The following PFKFB3 variants were observed in gnomAD, a reference collection of about 807,000 sequenced individuals.
PFKFB3 encodes 6-phosphofructo-2-kinase/fructose-2,6-biphosphatase 3, also known as 6-phosphofructo-2-kinase/fructose-2,6-bisphosphatase 3.
In PFKFB3, 33 loss-of-function variants were observed where a neutral mutation model predicts 68.0. The observed-to-expected ratio is 0.49, with a 90% confidence interval of 0.37 to 0.65. The LOEUF (loss-of-function observed/expected upper bound fraction) is 0.65, where lower values mean the gene tolerates loss of function less well. PFKFB3 is among the 30% of genes least tolerant of loss of function. The pLI is 0.00. For missense variants in PFKFB3, 586 were observed against 712.2 expected (o/e 0.82, Z 2.02); for synonymous variants, 315 against 288.2 (o/e 1.09, Z -0.94).
chr10:6,246,724 T>C (rs1846270077), intron 14 of PFKFB3, among the ~76,000 whole-genome samples: 1 of 152,154 alleles, frequency 6.6e-6, no homozygotes, highest in Non-Finnish European at 1.5e-5. Context: ...CGTGGGTATA[T>C]TGCATGATGC....
chr10:6,265,732 C>G, the PFKFB3 span, among the ~76,000 whole-genome samples: 1 of 152,170 alleles, frequency 6.6e-6, no homozygotes, highest in Non-Finnish European at 1.5e-5. Flanking sequence ...TACTCCTCAT[C>G]CAAATTTCTT....
chr10:6,239,894 G>A (rs1163457287), downstream of PFKFB3, among the ~76,000 whole-genome samples: 10 of 152,168 alleles, frequency 6.6e-5, no homozygotes, highest in Admixed American at 5.2e-4. Context: ...GGCTGATCTC[G>A]AACTCCTGGA....
the PFKFB3 span, among the ~76,000 whole-genome samples, chr10:6,301,409 A>G: frequency 2.0e-5 from 3 of 152,190 alleles, no homozygotes; most frequent in Admixed American, 6.5e-5. Context: ...ATATTCTTAG[A>G]TCATTTGAGA....
At chr10:6,236,454 C>T (rs914689937), downstream of PFKFB3, among the ~76,000 whole-genome samples, 1 of 152,188 alleles carries the variant, frequency 6.6e-6, no homozygotes, top group African/African-American at 2.4e-5. Flanking sequence ...CCCACTGCTG[C>T]GCTCCAGAAA....
At chr10:6,279,958 C>G in the PFKFB3 span, among the ~76,000 whole-genome samples, 1 of 151,954 alleles carries the variant, frequency 6.6e-6, no homozygotes, top group Non-Finnish European at 1.5e-5. Context: ...CAGAGCTTTG[C>G]AGGTGGGCAG....
At chr10:6,212,333 C>G (rs1372739581) in intron 1 of PFKFB3, among the ~76,000 whole-genome samples, 1 of 152,230 alleles carries the variant, frequency 6.6e-6, no homozygotes, top group East Asian at 1.9e-4. Context: ...TGGCTGCTTT[C>G]TGAAAAACCC....
the PFKFB3 span, among the ~76,000 whole-genome samples, chr10:6,284,720 G>C: frequency 6.6e-6 from 1 of 152,244 alleles, no homozygotes; most frequent in South Asian, 2.1e-4. Flanking sequence ...TGAACTCACT[G>C]AACTGTAACT....
chr10:6,307,766 G>A, the PFKFB3 span, among the ~76,000 whole-genome samples: 6 of 152,092 alleles, frequency 3.9e-5, no homozygotes, highest in East Asian at 1.9e-4. Context: ...GAGGAGTGCC[G>A]GGGTTTGAAT....
At chr10:6,148,688 C>T (rs1391413538) in intron 1 of PFKFB3, among the ~76,000 whole-genome samples, 4 of 152,150 alleles carry the variant, frequency 2.6e-5, no homozygotes, top group East Asian at 3.9e-4. Context: ...CAGCTGGACA[C>T]GGAGAGGAAA....
At chr10:6,184,900 G>A (rs1222152042) in intron 1 of PFKFB3, among the ~76,000 whole-genome samples, 3 of 151,510 alleles carry the variant, frequency 2.0e-5, no homozygotes, top group Admixed American at 6.6e-5. Flanking sequence ...GAGCCAGCCT[G>A]CCGGCCTTCC....
At chr10:6,283,745 A>G in the PFKFB3 span, among the ~76,000 whole-genome samples, 1,163 of 152,328 alleles carry the variant, frequency 7.6e-3, 18 homozygotes, top group African/African-American at 0.027. Context: ...GAGCATGCCC[A>G]GGTGAACCAA....
chr10:6,170,103 C>T (rs544933839), intron 1 of PFKFB3, among the ~76,000 whole-genome samples: 2 of 152,204 alleles, frequency 1.3e-5, no homozygotes, highest in East Asian at 1.9e-4. Flanking sequence ...GGGCCCACCC[C>T]GTGGTTCTTT....
the PFKFB3 span, among the ~76,000 whole-genome samples, chr10:6,299,657 CCTTGA>C: frequency 6.6e-6 from 1 of 152,192 alleles, no homozygotes; most frequent in Non-Finnish European, 1.5e-5. Flanking sequence ...AATTGCTTGA[CCTTGA>C]CTTTTCAGGA....
chr10:6,224,368 C>T, intron 13 of PFKFB3, 155 bp downstream of exon 13: 1 of 670,216 alleles, frequency 1.5e-6, no homozygotes, highest in Non-Finnish European at 2.7e-6. Context: ...CCTCTTTGTT[C>T]CTGCCTGTCT....
At chr10:6,318,740 T>C in the PFKFB3 span, among the ~76,000 whole-genome samples, 1 of 152,274 alleles carries the variant, frequency 6.6e-6, no homozygotes, top group Middle Eastern at 3.4e-3. Context: ...ACACTTTGTG[T>C]AAAGGGGAAA....
chr10:6,312,949 C>T, the PFKFB3 span, among the ~76,000 whole-genome samples: 3 of 152,092 alleles, frequency 2.0e-5, no homozygotes, highest in Admixed American at 6.6e-5. Context: ...TGAGTTATTT[C>T]GCTTTGCCAT....
chr10:6,169,389 AT>A (rs1004350929), intron 1 of PFKFB3, among the ~76,000 whole-genome samples: 4 of 152,194 alleles, frequency 2.6e-5, no homozygotes, highest in African/African-American at 7.2e-5. Flanking sequence ...GGGGGTCTTA[AT>A]TTTAGTGAGC....
chr10:6,175,593 T>C (rs1842440468), intron 1 of PFKFB3, among the ~76,000 whole-genome samples: 1 of 152,162 alleles, frequency 6.6e-6, no homozygotes, highest in South Asian at 2.1e-4. Flanking sequence ...CCGGGAACAG[T>C]GTTGTTCTTA....
chr10:6,210,356 G>GTTTTTTTTTTTTTTTTTTTTTTTTTGT (rs762723368), intron 1 of PFKFB3, among the ~76,000 whole-genome samples: 1 of 44,486 alleles, frequency 2.2e-5, no homozygotes, highest in African/African-American at 4.6e-5. Context: ...GTTTTTTTTT[G>GTTTTTTTTTTTTTTTTTTTTTTTTTGT]TTTTTTTGTT....
Sources: gnomAD v4.1 joint callset for allele counts (sites outside exome capture counted in the v4.1 genomes callset) on GRCh38, gnomAD v4.1.1 for gene constraint, MANE v1.5 for transcripts, NCBI Gene and HGNC (gene_info 2026-07-23, HGNC 2026-07-21) for gene names.